Variants in HECW2 observed in about 807,000 individuals in gnomAD.
HECW2 encodes HECT, C2 and WW domain containing E3 ubiquitin protein ligase 2.
In HECW2, 61 loss-of-function variants were observed where a neutral mutation model predicts 175.2. The observed-to-expected ratio is 0.35, with a 90% CI of 0.28 to 0.43. HECW2 has a LOEUF of 0.43. Among genes scored for constraint, HECW2 ranks in the 20% least tolerant of loss-of-function variants. The probability of loss-of-function intolerance (pLI) is 1.00; values close to 1 mark genes in which losing one functional copy is unlikely to be tolerated. For synonymous variants in HECW2, 671 were observed against 731.0 expected, an observed-to-expected ratio of 0.92 and a Z score of 1.32; for missense variants, 1,524 against 2,000.5, an observed-to-expected ratio of 0.76 and a Z score of 4.54.
intron 14 of HECW2, among the ~76,000 whole-genome samples, chr2:196,280,300 T>C (rs1051008141): frequency 6.6e-6 from 1 of 152,166 alleles, no homozygotes; most frequent in African/African-American, 2.4e-5. Context: ...CCTTAACACC[T>C]AGAGATGAAG....
intron 2 of HECW2, among the ~76,000 whole-genome samples, chr2:196,407,934 C>T (rs564261723): frequency 2.6e-5 from 4 of 152,300 alleles, no homozygotes; most frequent in Admixed American, 2.6e-4. Context: ...CTTCTCCATG[C>T]AAAACAGATT....
chr2:196,463,362 C>T (rs1171918623), intron 1 of HECW2, among the ~76,000 whole-genome samples: 11 of 147,258 alleles, frequency 7.5e-5, no homozygotes, highest in African/African-American at 1.8e-4. Context: ...AGATTCGTCA[C>T]GCAAGTCAGG....
chr2:196,587,394 T>C (rs1034310354), intron 1 of HECW2, among the ~76,000 whole-genome samples: 5 of 152,250 alleles, frequency 3.3e-5, no homozygotes, highest in Non-Finnish European at 2.9e-5. Flanking sequence ...ATTTGCACTT[T>C]TCAATTTCAG....
At chr2:196,460,774 C>T (rs1292942717) in intron 1 of HECW2, among the ~76,000 whole-genome samples, 2 of 127,336 alleles carry the variant, frequency 1.6e-5, no homozygotes, top group Non-Finnish European at 3.2e-5. Flanking sequence ...CCACACCTGG[C>T]AATTTTTTTT....
At chr2:196,356,855 G>A (rs950005890) in intron 2 of HECW2, among the ~76,000 whole-genome samples, 4 of 152,172 alleles carry the variant, frequency 2.6e-5, no homozygotes, top group African/African-American at 9.7e-5. Context: ...GAATAACAGT[G>A]TATGGTAGGG....
At chr2:196,227,745 C>G (rs996112149) in intron 22 of HECW2, among the ~76,000 whole-genome samples, 3 of 152,180 alleles carry the variant, frequency 2.0e-5, no homozygotes, top group Middle Eastern at 3.2e-3. Flanking sequence ...CCTCCTCATC[C>G]CCACCTCAGC....
intron 1 of HECW2, among the ~76,000 whole-genome samples, chr2:196,557,590 G>A (rs971994613): frequency 9.9e-5 from 15 of 152,180 alleles, no homozygotes; most frequent in African/African-American, 2.2e-4. Flanking sequence ...TCACTGGAGA[G>A]CTCCTAATAA....
intron 1 of HECW2, among the ~76,000 whole-genome samples, chr2:196,488,110 G>A (rs1200042096): frequency 2.6e-5 from 4 of 152,150 alleles, no homozygotes; most frequent in African/African-American, 7.2e-5. Context: ...CAGTAAGACT[G>A]TCATTACCAC....
At chr2:196,436,075 G>C (rs1467832765) in intron 1 of HECW2, among the ~76,000 whole-genome samples, 1 of 152,164 alleles carries the variant, frequency 6.6e-6, no homozygotes, top group Non-Finnish European at 1.5e-5. Context: ...CAGAGCCCAA[G>C]CTTTGGCCCC....
At chr2:196,287,517 G>A (rs1489420197) in intron 14 of HECW2, among the ~76,000 whole-genome samples, 1 of 152,010 alleles carries the variant, frequency 6.6e-6, no homozygotes, top group Non-Finnish European at 1.5e-5. Context: ...GAAATAGTCC[G>A]TATTTAACAT....
At chr2:196,261,421 T>A (rs1420958758) in intron 17 of HECW2, among the ~76,000 whole-genome samples, 1 of 152,230 alleles carries the variant, frequency 6.6e-6, no homozygotes, top group East Asian at 1.9e-4. Context: ...GTTTTATCCT[T>A]CAGTATTGTA....
chr2:196,204,410 A>G (rs562143631), intron 28 of HECW2, among the ~76,000 whole-genome samples: 1 of 152,286 alleles, frequency 6.6e-6, no homozygotes, highest in South Asian at 2.1e-4. Flanking sequence ...TTAAAGCCTT[A>G]GGATTTCTTA....
chr2:196,439,839 G>A (rs1179271013), intron 1 of HECW2, among the ~76,000 whole-genome samples: 1 of 152,170 alleles, frequency 6.6e-6, no homozygotes, highest in Non-Finnish European at 1.5e-5. Flanking sequence ...CAGAGGTGGG[G>A]AAACCAGTGA....
intron 2 of HECW2, among the ~76,000 whole-genome samples, chr2:196,410,431 G>A (rs1468867287): frequency 1.3e-5 from 2 of 152,054 alleles, no homozygotes; most frequent in Admixed American, 6.6e-5. Context: ...AACTTAGAAT[G>A]AATTCTAGAA....
intron 1 of HECW2, among the ~76,000 whole-genome samples, chr2:196,573,081 G>A (rs373499519): frequency 1.3e-5 from 2 of 152,106 alleles, no homozygotes; most frequent in East Asian, 1.9e-4. Context: ...TGAGAAATGC[G>A]ATAATACAAA....
intron 1 of HECW2, among the ~76,000 whole-genome samples, chr2:196,527,579 T>G (rs924978870): frequency 5.3e-5 from 8 of 152,232 alleles, no homozygotes; most frequent in Admixed American, 2.0e-4. Flanking sequence ...TGAGGCAACG[T>G]TAAGGGCAAA....
chr2:196,380,338 A>G (rs1694173235), intron 2 of HECW2, among the ~76,000 whole-genome samples: 1 of 152,210 alleles, frequency 6.6e-6, no homozygotes, highest in African/African-American at 2.4e-5. Flanking sequence ...GCACAGAAGA[A>G]AATAAGGTCT....
intron 1 of HECW2, among the ~76,000 whole-genome samples, chr2:196,537,921 C>T (rs1371690026): frequency 1.3e-5 from 2 of 152,218 alleles, no homozygotes; most frequent in Non-Finnish European, 2.9e-5. Flanking sequence ...GAACCTCCTA[C>T]TCTGTCTGTG....
Position 196,439,521 on chromosome 2 carries a change from C to A in HECW2, c.-35-6063G>T, listed in dbSNP as rs143266113. Among the ~76,000 whole-genome samples, 86 of 152,246 alleles carry A rather than the reference C, an allele frequency of 5.6e-4. 1 individual carries two copies. The highest frequency in any genetic ancestry group is 1.8e-3 in the African/African-American group (76 of 41,542). On this transcript the variant is annotated intron_variant, in intron 1 of 28. Transcript: ENST00000644978. ...TTGAGTTACAGCTTAAGAAACTCAA[C>A]CGTAGCTTTTATAGAACTGTTTCTG...
Sources: gnomAD v4.1 joint callset for allele counts (sites outside exome capture counted in the v4.1 genomes callset) on GRCh38, gnomAD v4.1.1 for gene constraint, MANE v1.5 for transcripts, NCBI Gene and HGNC (gene_info 2026-07-23, HGNC 2026-07-21) for gene names.